Variants in SOX5 observed in about 807,000 individuals in gnomAD.
SOX5 encodes SRY-box transcription factor 5, also known as transcription factor SOX-5.
SOX5 carries 9 observed loss-of-function variants against 92.0 expected under a neutral mutation model. The observed-to-expected ratio is 0.10, with a 90% confidence interval of 0.06 to 0.17. The LOEUF is 0.17. Ranked by LOEUF, SOX5 falls within the 10% of genes least tolerant of loss-of-function variation. The pLI, the probability that SOX5 is intolerant of heterozygous loss-of-function variation, is 1.00. For missense variants in SOX5, 642 were observed against 944.5 expected (o/e 0.68, Z 4.20); for synonymous variants, 344 against 336.3 (o/e 1.02, Z -0.25).
At chr12:23,558,204 C>T (rs1945568120) in intron 11 of SOX5, among the ~76,000 whole-genome samples, 2 of 152,074 alleles carry the variant, frequency 1.3e-5, no homozygotes. Flanking sequence ...GAAGATATCC[C>T]CTGATCTCAG....
At chr12:23,570,933 ATATATATATATATATATATATATATATAT>A in intron 10 of SOX5, among the ~76,000 whole-genome samples, 4 of 8,226 alleles carry the variant, frequency 4.9e-4, no homozygotes, top group South Asian at 0.015. Flanking sequence ...AAAAAAAAAT[ATATATATATATATATATATATATATATAT>A]ATATATATAT....
chr12:23,638,649 T>C (rs143880658), intron 8 of SOX5, among the ~76,000 whole-genome samples: 4 of 152,230 alleles, frequency 2.6e-5, no homozygotes, highest in African/African-American at 9.6e-5. Flanking sequence ...AAAAAGAATT[T>C]TGATGCTATT....
At chr12:24,117,865 C>A (rs1456357291) in intron 4 of SOX5, among the ~76,000 whole-genome samples, 1 of 151,444 alleles carries the variant, frequency 6.6e-6, no homozygotes, top group African/African-American at 2.4e-5. Context: ...ACTAAAAATA[C>A]AAAAATTAGC....
At position 23,943,237 on chromosome 12, in the gene SOX5, A is replaced by G. The variant is rs145889177; in HGVS notation, c.38+6327T>C. ...TACCCACTTTGAATTCCTGGTCCCC[A>G]TTGTCCATGAGTAAGTGAAGAGAAA... On this transcript the variant is annotated intron_variant, in intron 1 of 14. Coordinates refer to ENST00000451604, the MANE Select transcript of SOX5 (RefSeq NM_006940.6). Among the ~76,000 whole-genome samples, 34 of 152,028 alleles carry G rather than the reference A, an allele frequency of 2.2e-4. No individual in the cohort carries two copies. In the East Asian group the frequency reaches 5.6e-3, roughly 25 times the overall value.
chr12:24,521,403 C>T (rs551603401), intron 1 of SOX5, among the ~76,000 whole-genome samples: 12 of 152,172 alleles, frequency 7.9e-5, no homozygotes, highest in Non-Finnish European at 1.6e-4. Context: ...ATAGAAGAGC[C>T]AGACAGAAAA....
intron 4 of SOX5, among the ~76,000 whole-genome samples, chr12:24,189,204 G>C (rs1246896726): frequency 1.3e-5 from 2 of 152,174 alleles, no homozygotes; most frequent in African/African-American, 2.4e-5. Flanking sequence ...TCAGCATCCA[G>C]AGTCTCTCCC....
At chr12:24,342,009 G>A (rs1952634412) in intron 2 of SOX5, among the ~76,000 whole-genome samples, 1 of 152,210 alleles carries the variant, frequency 6.6e-6, no homozygotes. Flanking sequence ...GACATAAGAT[G>A]TGCTTTCCTG....
At chr12:24,116,485 A>G (rs888343146) in intron 4 of SOX5, among the ~76,000 whole-genome samples, 1 of 152,148 alleles carries the variant, frequency 6.6e-6, no homozygotes, top group African/African-American at 2.4e-5. Flanking sequence ...TTTTTTTTCC[A>G]TAACCTTCCC....
intron 1 of SOX5, among the ~76,000 whole-genome samples, chr12:24,407,752 C>A (rs769039686): frequency 6.6e-6 from 1 of 152,078 alleles, no homozygotes; most frequent in Admixed American, 6.5e-5. Flanking sequence ...CAGACAGATA[C>A]GGAGTGATCA....
intron 2 of SOX5, among the ~76,000 whole-genome samples, chr12:24,292,162 A>G (rs2140517259): frequency 6.6e-6 from 1 of 152,340 alleles, no homozygotes; most frequent in East Asian, 1.9e-4. Context: ...TTCTTACCTG[A>G]ACCAGAAATG....
rs186865849 is a variant in SOX5, at chr12:23,655,656, T to A, written c.931+9788A>T. 5.8e-3 allele frequency among the ~76,000 whole-genome samples: 880 copies of A among 152,172 alleles called. 6 individuals are homozygous for A. The highest frequency in any genetic ancestry group is 0.01 in the Middle Eastern group (3 of 294). ...TGGCAGACATCGTATACCTCCTGAGTGTATCCAGGGTCTGAGGTTCACAGG... is the reference window on the plus strand; with the variant it reads ...TGGCAGACATCGTATACCTCCTGAGAGTATCCAGGGTCTGAGGTTCACAGG... On this transcript the variant is annotated intron_variant, in intron 7 of 14. Coordinates refer to ENST00000451604, the MANE Select transcript of SOX5 (RefSeq NM_006940.6).
intron 4 of SOX5, among the ~76,000 whole-genome samples, chr12:24,171,470 G>T (rs774037678): frequency 5.3e-5 from 8 of 151,892 alleles, no homozygotes; most frequent in African/African-American, 1.9e-4. Context: ...TGATCCACCC[G>T]CCTCGGCTTC....
chr12:24,510,043 C>T (rs993099159), intron 1 of SOX5, among the ~76,000 whole-genome samples: 4 of 152,140 alleles, frequency 2.6e-5, no homozygotes, highest in Admixed American at 2.0e-4. Context: ...GTTTTAAAAA[C>T]AAATAAGAAA....
chr12:24,278,108 C>T (rs559297455), intron 2 of SOX5, among the ~76,000 whole-genome samples: 107 of 152,234 alleles, frequency 7.0e-4, no homozygotes, highest in Middle Eastern at 6.8e-3. Context: ...CTGGCTCAGT[C>T]GCTCCGCTAT....
Position 24,140,933 on chromosome 12 carries a change from A to G in SOX5, c.-2+72410T>C, listed in dbSNP as rs184720642. On this transcript the variant is annotated intron_variant, in intron 4 of 4. Transcript: ENST00000446891. ...AATACCCTAACACTCCAAATAGCACATAGCTATATTTCTATCAAGTTACAC... is the reference window on the plus strand; with the variant it reads ...AATACCCTAACACTCCAAATAGCACGTAGCTATATTTCTATCAAGTTACAC... 3.3e-5 allele frequency among the ~76,000 whole-genome samples: 5 copies of G among 152,338 alleles called. No individual in the cohort carries two copies. The East Asian group carries it at 7.7e-4, about 23-fold the overall frequency.
intron 4 of SOX5, among the ~76,000 whole-genome samples, chr12:24,134,116 G>A (rs1258159525): frequency 6.6e-6 from 1 of 151,964 alleles, no homozygotes; most frequent in Non-Finnish European, 1.5e-5. Flanking sequence ...CAGACAGGTT[G>A]ATAAATGCAG....
At chr12:23,736,206 A>C (rs939663996) in intron 5 of SOX5, among the ~76,000 whole-genome samples, 1 of 152,080 alleles carries the variant, frequency 6.6e-6, no homozygotes, top group Non-Finnish European at 1.5e-5. Context: ...TCACGCCTGT[A>C]ATCTCAGCAT....
chr12:24,429,625 T>TACACACACAC (rs148679940), intron 1 of SOX5, among the ~76,000 whole-genome samples: 2 of 140,764 alleles, frequency 1.4e-5, no homozygotes, highest in African/African-American at 5.3e-5. Flanking sequence ...CACACACACA[T>TACACACACAC]ACACACACAC....
chr12:24,370,113 A>G (rs188896081), intron 1 of SOX5, among the ~76,000 whole-genome samples: 4 of 152,322 alleles, frequency 2.6e-5, no homozygotes, highest in Admixed American at 2.6e-4. Flanking sequence ...CACAAGTAAA[A>G]CTTCTAAATA....
Sources: allele counts gnomAD v4.1 joint callset (sites outside exome capture counted in the v4.1 genomes callset), GRCh38; gene constraint gnomAD v4.1.1; transcripts MANE v1.5; gene names NCBI Gene and HGNC (gene_info 2026-07-23, HGNC 2026-07-21).